The following SOS2 variants were observed in gnomAD, a reference collection of about 807,000 sequenced individuals.
SOS2 encodes SOS Ras/Rho guanine nucleotide exchange factor 2.
Under a neutral mutation model 148.2 loss-of-function variants are expected in SOS2, and 65 were observed. That is an observed-to-expected ratio of 0.44 (90% CI 0.36 to 0.54). SOS2 has a LOEUF of 0.54. SOS2 is among the 20% of genes least tolerant of loss of function. The probability of loss-of-function intolerance (pLI) is 0.00; values close to 1 mark genes in which losing one functional copy is unlikely to be tolerated. For synonymous variants in SOS2, 539 were observed against 537.1 expected (o/e 1.00, Z -0.05); for missense variants, 1,341 against 1,590.2 (o/e 0.84, Z 2.67).
In SOS2 at chr14:50,120,340, C is replaced by T; in HGVS notation, c.3424G>A (p.Glu1142Lys). The change falls in exon 22 of 23, where the codon GAG becomes AAG. Residue 1142 changes from glutamate (E) to lysine (K), a missense_variant. Glu to Lys is a moderately conservative substitution (Grantham distance 56). Around this residue, in one of 4 missense-constraint regions of SOS2, gnomAD observed 354 missense variants for 347.7 expected, o/e 1.02. Transcript: ENST00000216373. Reference sequence around the variant, plus strand: ...GGAAGAGGAGGAGGAATCAGGGGCTCTTCACTTAGTTTATGTAAACTACCA... The same window carrying T: ...GGAAGAGGAGGAGGAATCAGGGGCTTTTCACTTAGTTTATGTAAACTACCA... Reference protein sequence around the residue: ...SCGSLHKLSEEPLIPPPLPPR... With the variant: ...SCGSLHKLSEKPLIPPPLPPR... 1 of 1,608,296 alleles carries T rather than the reference C, an allele frequency of 6.2e-7. No individual in the cohort carries two copies. The highest frequency in any genetic ancestry group is 8.5e-7 in the Non-Finnish European group (1 of 1,176,262).
intron 16 of SOS2, among the ~76,000 whole-genome samples, chr14:50,141,745 A>C (rs1318327971): frequency 6.6e-6 from 1 of 152,200 alleles, no homozygotes; most frequent in East Asian, 1.9e-4. Flanking sequence ...TGCCAATTTA[A>C]AAAAATGGAG....
At chr14:50,178,997 C>G (rs1885636499) in intron 7 of SOS2, among the ~76,000 whole-genome samples, 1 of 152,058 alleles carries the variant, frequency 6.6e-6, no homozygotes, top group African/African-American at 2.4e-5. Flanking sequence ...ACCTCAGCCT[C>G]CCAAAGTGCT....
Position 50,214,451 on chromosome 14 carries a change from G to C in SOS2, c.88-10042C>G, listed in dbSNP as rs1367345800. ...CCTGCACTTCTTTAACACAGCCAGA[G>C]ATAACTTAATTACATTTTAGCCATA... On this transcript the variant is annotated intron_variant, in intron 1 of 22. Coordinates refer to ENST00000216373, the MANE Select transcript of SOS2 (RefSeq NM_006939.4). Among the ~76,000 whole-genome samples the C allele has an allele frequency of 2.0e-5, 3 of 152,068 alleles. No homozygotes were observed. In the East Asian group the frequency reaches 5.8e-4, roughly 29 times the overall value.
At chr14:50,199,600 A>G in intron 4 of SOS2, 91 bp downstream of exon 4, 1 of 704,826 alleles carries the variant, frequency 1.4e-6, no homozygotes, top group Non-Finnish European at 2.3e-6. Context: ...AATTATAAAG[A>G]TTACTTATCT....
At chr14:50,152,356 CA>C (rs1394144243) in intron 13 of SOS2, among the ~76,000 whole-genome samples, 1 of 151,718 alleles carries the variant, frequency 6.6e-6, no homozygotes, top group South Asian at 2.1e-4. Flanking sequence ...AGAAATATAC[CA>C]AAAACATTTC....
intron 4 of SOS2, among the ~76,000 whole-genome samples, chr14:50,192,101 G>A (rs1387601621): frequency 1.4e-5 from 2 of 143,906 alleles, no homozygotes; most frequent in East Asian, 2.2e-4. Flanking sequence ...GCAGTGAGCC[G>A]TGTTCACACC....
At chr14:50,198,386 G>C (rs1886381725) in intron 4 of SOS2, among the ~76,000 whole-genome samples, 1 of 151,468 alleles carries the variant, frequency 6.6e-6, no homozygotes, top group South Asian at 2.1e-4. Flanking sequence ...AATTTTGTAA[G>C]TCAAAATAGA....
At chr14:50,118,907 A>T (rs930831006) in intron 22 of SOS2, 54 bp from the exon 23 acceptor site, 7 of 1,231,096 alleles carry the variant, frequency 5.7e-6, no homozygotes, top group Non-Finnish European at 7.5e-6. Flanking sequence ...TTAAAAAAAA[A>T]AATTTTTAAG....
At chr14:50,215,343 TA>T in intron 1 of SOS2, 1 of 1,248,650 alleles carries the variant, frequency 8.0e-7, no homozygotes, top group South Asian at 1.3e-5. Context: ...AAAACAGTCA[TA>T]AAAATAAACA....
Position 50,169,339 on chromosome 14 carries a change from A to AAAC in SOS2, c.1068+5114_1068+5115insGTT, listed in dbSNP as rs1594988474. ...TCAAAAAAAATAAAAATAAAAATAA[A>AAAC]AAACAAACAAACAGGCCAGGCACAG... On this transcript the variant is annotated intron_variant, in intron 8 of 22. Coordinates refer to ENST00000216373, the MANE Select transcript of SOS2 (RefSeq NM_006939.4). Among the ~76,000 whole-genome samples the AAAC allele has an allele frequency of 1.5e-4, 23 of 149,820 alleles. 1 individual carries two copies. The East Asian group carries it at 4.6e-3, about 30-fold the overall frequency.
Position 50,158,588 on chromosome 14 carries a change from T to C in SOS2, c.1911A>G (p.Glu637=). 2 of 1,605,496 alleles carry C rather than the reference T, an allele frequency of 1.2e-6. No homozygotes were observed. The highest frequency in any genetic ancestry group is 1.7e-6 in the Non-Finnish European group (2 of 1,174,650). Residue 637 remains glutamate, a synonymous_variant, in exon 11 of 23, where the codon GAA becomes GAG. Transcript: ENST00000216373. Reference sequence around the variant, plus strand: ...ACCGTTCAATCAGTAAGCTCAGCAATTCCTGTGGTTTACAAAATGAACGAT... The same window carrying C: ...ACCGTTCAATCAGTAAGCTCAGCAACTCCTGTGGTTTACAAAATGAACGAT... ...TTYRSFCKPQ[E]LLSLLIERFE...
At chr14:50,122,869 A>G (rs183808503) in intron 21 of SOS2, among the ~76,000 whole-genome samples, 1 of 152,312 alleles carries the variant, frequency 6.6e-6, no homozygotes, top group African/African-American at 2.4e-5. Context: ...AGTTACTTCT[A>G]ATTTTCTGCC....
chr14:50,153,119 T>G lies in SOS2; in HGVS notation c.2112A>C (p.Arg704Ser). The change falls in exon 13 of 23, where the codon AGA becomes AGC. Residue 704 changes from arginine (R) to serine (S), a missense_variant. This residue lies in a region of SOS2 where 408 missense variants were observed against 506.6 expected (regional missense o/e 0.81). Transcript: ENST00000216373. ...WVEHHFYDFE[R>S]DLELLERLES... ...CTAGTCTTTCAAGCAATTCCAAGTC[T>G]CTTTCAAAGTCATAAAAATGATGTT... 1 of 1,606,814 alleles carries G rather than the reference T, an allele frequency of 6.2e-7. No homozygotes were observed. The highest frequency in any genetic ancestry group is 8.5e-7 in the Non-Finnish European group (1 of 1,174,242).
rs544075244 is a variant in SOS2, at chr14:50,130,591, G to A, written c.3247C>T (p.Pro1083Ser). The change falls in exon 20 of 23, where the codon CCA (proline) becomes TCA (serine). Residue 1083 changes from proline to serine, a missense_variant. Coordinates refer to ENST00000216373, the MANE Select transcript of SOS2 (RefSeq NM_006939.4). ...GTAGATGGTGTATTTGGAGAGGTTG[G>A]TGCTGACACTGTTGATTCCAGCTCA... ...ETELESTVSAPTSPNTPSTPP... is the reference protein window; with the variant it reads ...ETELESTVSASTSPNTPSTPP... The A allele has an allele frequency of 6.2e-6, 10 of 1,614,068 alleles. No homozygotes were observed. The highest frequency in any genetic ancestry group is 8.5e-6 in the Non-Finnish European group (10 of 1,179,960).
At chr14:50,198,671 G>C (rs939704684) in intron 4 of SOS2, among the ~76,000 whole-genome samples, 1 of 149,370 alleles carries the variant, frequency 6.7e-6, no homozygotes, top group African/African-American at 2.5e-5. Flanking sequence ...TTCACCCTGA[G>C]AGAGTTTCAT....
intron 21 of SOS2, among the ~76,000 whole-genome samples, chr14:50,120,708 C>A (rs1883472875): frequency 6.6e-6 from 1 of 150,478 alleles, no homozygotes; most frequent in Admixed American, 6.6e-5. Flanking sequence ...GTAGTAACTT[C>A]CAAAGAAAGA....
chr14:50,193,060 A>C (rs1468013548), intron 4 of SOS2, among the ~76,000 whole-genome samples: 3 of 151,810 alleles, frequency 2.0e-5, no homozygotes, highest in Non-Finnish European at 4.4e-5. Context: ...CTATAGCCTC[A>C]ATGTCCTAGG....
At chr14:50,128,578 A>G (rs1413441154) in intron 21 of SOS2, among the ~76,000 whole-genome samples, 5 of 152,220 alleles carry the variant, frequency 3.3e-5, no homozygotes, top group African/African-American at 7.2e-5. Flanking sequence ...CTCATCCACC[A>G]TAAGAGGAGA....
intron 1 of SOS2, among the ~76,000 whole-genome samples, chr14:50,228,287 A>C (rs990580493): frequency 6.6e-6 from 1 of 151,832 alleles, no homozygotes; most frequent in Admixed American, 6.6e-5. Flanking sequence ...CAGTTGATCC[A>C]CCAGCCTCAG....
Sources: gnomAD v4.1 joint callset for allele counts (sites outside exome capture counted in the v4.1 genomes callset) on GRCh38, gnomAD v4.1.1 for gene constraint, gnomAD v4.1.1 regional missense constraint, MANE v1.5 for transcripts, NCBI Gene and HGNC (gene_info 2026-07-23, HGNC 2026-07-21) for gene names.